Variants in XRN1 observed in about 807,000 individuals in gnomAD.
XRN1 encodes strand-exchange protein 1 homolog.
XRN1 carries 67 observed loss-of-function variants against 222.3 expected under a neutral mutation model. The observed-to-expected ratio is 0.30, with a 90% confidence interval of 0.25 to 0.37. XRN1 has a LOEUF of 0.37. Among genes scored for constraint, XRN1 ranks in the 10% least tolerant of loss-of-function variants. The pLI is 1.00. For missense variants in XRN1, 1,707 were observed against 2,000.2 expected (o/e 0.85, Z 2.80); for synonymous variants, 643 against 652.4 (o/e 0.99, Z 0.22).
At chr3:142,379,651 T>G (rs753357462) in intron 23 of XRN1, among the ~76,000 whole-genome samples, 6 of 152,210 alleles carry the variant, frequency 3.9e-5, no homozygotes, top group Non-Finnish European at 8.8e-5. Flanking sequence ...AAATGCATTT[T>G]TCCAATATTC....
intron 22 of XRN1, 151 bp downstream of exon 22, chr3:142,383,149 A>G (rs2107939586): frequency 3.0e-6 from 2 of 667,676 alleles, no homozygotes; most frequent in South Asian, 2.0e-5. Flanking sequence ...ATTTAGATAT[A>G]TAAGTCAAAC....
intron 15 of XRN1, among the ~76,000 whole-genome samples, chr3:142,410,531 G>A (rs1290955771): frequency 3.6e-5 from 4 of 110,946 alleles, no homozygotes. Flanking sequence ...GTCTGGCTCT[G>A]TTGCCAGGCT....
In XRN1 at chr3:142,406,014, C is replaced by T. The variant is rs57445815; in HGVS notation, c.1714-938G>A. 9.4e-3 allele frequency among the ~76,000 whole-genome samples: 1,430 copies of T among 151,578 alleles called. 21 individuals are homozygous for T. Among genetic ancestry groups the T allele is most frequent in the African/African-American group, 0.033 (1,353 of 41,308 alleles). On this transcript the variant is annotated intron_variant, in intron 15 of 40. Coordinates refer to ENST00000392981, the MANE Select transcript of XRN1 (RefSeq NM_001282857.2). ...TACAAATCAAGAGACAGATGTGATA[C>T]TGGGGAAAACTATTTCTAATATATA... is the stretch of plus-strand genomic sequence containing the variant.
At chr3:142,354,344 A>C (rs2066401749) in intron 32 of XRN1, among the ~76,000 whole-genome samples, 1 of 152,216 alleles carries the variant, frequency 6.6e-6, no homozygotes, top group African/African-American at 2.4e-5. Context: ...AAATTAGTTC[A>C]GCCACTGTAG....
At chr3:142,432,054 C>CAT (rs200780501) in intron 2 of XRN1, among the ~76,000 whole-genome samples, 5 of 98,576 alleles carry the variant, frequency 5.1e-5, no homozygotes, top group South Asian at 2.7e-4. Flanking sequence ...CGGAGTTTTG[C>CAT]ATATATATAT....
intron 20 of XRN1, among the ~76,000 whole-genome samples, chr3:142,394,117 G>A (rs1357441003): frequency 6.6e-6 from 1 of 152,066 alleles, no homozygotes; most frequent in Non-Finnish European, 1.5e-5. Context: ...ATGAGCCACC[G>A]TGCCTGGCCT....
At chr3:142,345,336 G>T (rs954874113) in intron 33 of XRN1, among the ~76,000 whole-genome samples, 15 of 152,150 alleles carry the variant, frequency 9.9e-5, no homozygotes, top group Non-Finnish European at 2.1e-4. Flanking sequence ...TGGATAAATG[G>T]ATATCCACAT....
In XRN1 at chr3:142,357,036, T is replaced by C; in HGVS notation, c.3548A>G (p.Gln1183Arg). 1 of 1,614,000 alleles carries C rather than the reference T, an allele frequency of 6.2e-7. No individual in the cohort carries two copies. Among genetic ancestry groups the C allele is most frequent in the African/African-American group, 1.3e-5 (1 of 75,056 alleles). ...TGGTTTTACGATGGCTGTCAACTTC[T>C]GATTTCCAGTTTCAGAGCGACTCCC... ...SHGSRSETGN[Q>R]KLTAIVKPQP... is the part of the protein sequence containing the mutation. Residue 1183 changes from glutamine to arginine, a missense_variant, in exon 31 of 41, where the codon CAG (glutamine) becomes CGG (arginine). Physicochemically the swap from Gln to Arg is conservative, Grantham distance 43 (BLOSUM62 1). This residue lies in a region of XRN1 where 1,234 missense variants were observed against 1,518.2 expected (regional missense o/e 0.81). Coordinates refer to ENST00000392981, the MANE Select transcript of XRN1 (RefSeq NM_001282857.2).
In XRN1 at chr3:142,414,636, C is replaced by T. The variant is rs1242169098; in HGVS notation, c.1437-345G>A. On this transcript the variant is annotated intron_variant, in intron 13 of 40. Coordinates refer to ENST00000392981, the MANE Select transcript of XRN1 (RefSeq NM_001282857.2). Reference sequence around the variant, plus strand: ...TCAGCCTCCCAAATAGCTGGGACTACAGGCGCCTGCCACTATGCCAGGCTA... The same window carrying T: ...TCAGCCTCCCAAATAGCTGGGACTATAGGCGCCTGCCACTATGCCAGGCTA... 2.6e-5 allele frequency among the ~76,000 whole-genome samples: 4 copies of T among 152,132 alleles called. No homozygotes were observed. In the East Asian group the frequency reaches 7.8e-4, roughly 29 times the overall value.
Position 142,364,441 on chromosome 3 carries a change from A to AT in XRN1, c.3394+605dup, listed in dbSNP as rs200805578. Among the ~76,000 whole-genome samples, 502 of 148,974 alleles carry AT rather than the reference A, an allele frequency of 3.4e-3. 1 individual carries two copies. Among genetic ancestry groups the AT allele is most frequent in the African/African-American group, 0.011 (453 of 40,656 alleles). On this transcript the variant is annotated intron_variant, in intron 29 of 40. Coordinates refer to ENST00000392981, the MANE Select transcript of XRN1 (RefSeq NM_001282857.2). ...GCTTCCTTATTTTCCCCCTTCTCTG[A>AT]TTTTTTTTTTCACCATCTTAGCCAC...
At position 142,376,782 on chromosome 3, in the gene XRN1, CCT is replaced by C. The variant is rs2067156425; in HGVS notation, c.2716-190_2716-189del. The stretch of plus-strand genomic sequence containing the variant: ...GATCTGTAGGCAGAATTTTTCTGCT[CCT>C]CTCTCTTTCTCCTTAAAGGACAGAA... On this transcript the variant is annotated intron_variant, in intron 23 of 40. Coordinates refer to ENST00000392981, the MANE Select transcript of XRN1 (RefSeq NM_001282857.2). 2.6e-5 allele frequency among the ~76,000 whole-genome samples: 4 copies of C among 152,178 alleles called. No homozygotes were observed. In the South Asian group the frequency reaches 6.2e-4, roughly 24 times the overall value.
In XRN1 at chr3:142,357,226, T is replaced by C. The variant is rs73867024; in HGVS notation, c.3465-107A>G. On this transcript the variant is annotated intron_variant, in intron 30 of 40. Transcript: ENST00000392981. ...ACAATCCATCATCAGCATTAGTAAA[T>C]ATTACTTTTTAATTCGGTAGAGGAA... The C allele has an allele frequency of 0.02, 19,371 of 972,744 alleles. 2,506 individuals carry two copies. In the African/African-American group the frequency reaches 0.28, roughly 14 times the overall value. 60.3% of individuals were successfully genotyped at this position (972,744 alleles called of 1,614,324 possible).
chr3:142,367,689 G>A (rs1170595977), intron 27 of XRN1, among the ~76,000 whole-genome samples: 1 of 151,930 alleles, frequency 6.6e-6, no homozygotes, highest in East Asian at 1.9e-4. Flanking sequence ...AGGACCACAG[G>A]CGTGTGCCAC....
intron 8 of XRN1, 143 bp from the exon 9 acceptor site, chr3:142,421,686 G>A: frequency 2.0e-6 from 1 of 502,948 alleles, no homozygotes; most frequent in Non-Finnish European, 3.4e-6. Context: ...TATCCAAACT[G>A]GCCCTAGTTT....
chr3:142,365,016 G>A (rs771882618), intron 29 of XRN1, 31 bp downstream of exon 29: 37 of 1,598,506 alleles, frequency 2.3e-5, no homozygotes, highest in Admixed American at 1.4e-4. Flanking sequence ...TATAAATTAC[G>A]TTGAAGACAT....
chr3:142,395,697 T>A (rs1180193376), intron 20 of XRN1, among the ~76,000 whole-genome samples: 1 of 152,336 alleles, frequency 6.6e-6, no homozygotes, highest in East Asian at 1.9e-4. Context: ...CTCTTCAAAA[T>A]ATACGGTGTG....
At chr3:142,430,220 C>T (rs892537781) in intron 2 of XRN1, among the ~76,000 whole-genome samples, 4 of 152,138 alleles carry the variant, frequency 2.6e-5, no homozygotes, top group Admixed American at 2.0e-4. Flanking sequence ...CCTAGATTCC[C>T]GCCCTTTTGG....
At chr3:142,356,775 AT>A (rs1376802932) in intron 31 of XRN1, 136 bp downstream of exon 31, 2 of 794,392 alleles carry the variant, frequency 2.5e-6, no homozygotes, top group African/African-American at 3.5e-5. Context: ...AGTATCTTAA[AT>A]TTGGAATTGA....
intron 15 of XRN1, among the ~76,000 whole-genome samples, chr3:142,405,876 G>A (rs911634821): frequency 2.6e-5 from 4 of 152,132 alleles, no homozygotes; most frequent in African/African-American, 9.6e-5. Flanking sequence ...AGGTGGTATT[G>A]ATAATTTAGT....
Sources: allele counts gnomAD v4.1 joint callset (sites outside exome capture counted in the v4.1 genomes callset), GRCh38; gene constraint gnomAD v4.1.1; regional missense constraint gnomAD v4.1.1; transcripts MANE v1.5; gene names NCBI Gene and HGNC (gene_info 2026-07-23, HGNC 2026-07-21).